SBK1: variants seen among roughly 807,000 people sequenced by gnomAD.
The protein encoded by SBK1 is SH3 domain binding kinase 1.
Under a neutral mutation model 24.4 loss-of-function variants are expected in SBK1, and 11 were observed. The ratio of observed to expected loss-of-function variants is 0.45; its 90% CI spans 0.28 to 0.75. SBK1 has a LOEUF of 0.75. SBK1 is among the 30% of genes least tolerant of loss of function. The pLI, the probability that SBK1 is intolerant of heterozygous loss-of-function variation, is 0.12. For missense variants in SBK1, 467 were observed against 620.5 expected (o/e 0.75, Z 2.63); for synonymous variants, 308 against 284.4 (o/e 1.08, Z -0.83).
In SBK1 at chr16:28,317,143, G is replaced by T. The variant is rs984842490; in HGVS notation, c.-7-242G>T. Among the ~76,000 whole-genome samples, 1 of 152,224 alleles carries T rather than the reference G, an allele frequency of 6.6e-6. No individual in the cohort carries two copies. On this transcript the variant is annotated intron_variant, in intron 1 of 3. Coordinates refer to ENST00000341901, the MANE Select transcript of SBK1 (RefSeq NM_001024401.3). This position sits in a 1 kb window ranked among gnomAD's most constrained non-coding sequence, Gnocchi z 4.2. Reference sequence around the variant, plus strand: ...TGTGGGTGGCAGCATGAGGCAGAGGGGCTGGTGCCACCAAGCGCAGGGTCT... The same window carrying T: ...TGTGGGTGGCAGCATGAGGCAGAGGTGCTGGTGCCACCAAGCGCAGGGTCT...
intron 1 of SBK1, among the ~76,000 whole-genome samples, chr16:28,260,543 C>T (rs969907838): frequency 6.6e-6 from 1 of 152,212 alleles, no homozygotes; most frequent in African/African-American, 2.4e-5. Context: ...GTGGGCCAGG[C>T]GAGGGCTCCT....
intron 1 of SBK1, among the ~76,000 whole-genome samples, chr16:28,271,955 T>C (rs2044468171): frequency 6.6e-6 from 1 of 152,208 alleles, no homozygotes; most frequent in Admixed American, 6.5e-5. Flanking sequence ...CCCAAATAAG[T>C]TGAAAATTTA....
At chr16:28,269,383 C>T (rs1369925772) in intron 1 of SBK1, among the ~76,000 whole-genome samples, 4 of 151,850 alleles carry the variant, frequency 2.6e-5, no homozygotes, top group Admixed American at 2.6e-4. Context: ...TCCATGACTA[C>T]TACAGATGGG....
chr16:28,307,527 G>A (rs888800633), intron 1 of SBK1, among the ~76,000 whole-genome samples: 12 of 152,108 alleles, frequency 7.9e-5, no homozygotes, highest in African/African-American at 1.4e-4. Flanking sequence ...ATCACTTGAG[G>A]TCAGGAGTTA....
Position 28,309,061 on chromosome 16 carries a change from G to A in SBK1, c.-7-8324G>A, listed in dbSNP as rs75005694. The stretch of plus-strand genomic sequence containing the variant: ...AGCCAAACATGATCGAAGTTTCCCA[G>A]TGGCTCCCACAACAATGCAGACGGG... On this transcript the variant is annotated intron_variant, in intron 1 of 3. Transcript: ENST00000341901. Among the ~76,000 whole-genome samples, 1,473 of 152,206 alleles carry A rather than the reference G, an allele frequency of 9.7e-3. 7 individuals carry two copies. The highest frequency in any genetic ancestry group is 0.026 in the South Asian group (124 of 4,816).
Position 28,322,911 on chromosome 16 carries a change from T to TCG in SBK1, c.*1998_*1999dup, listed in dbSNP as rs202179000. The TCG allele has an allele frequency of 7.9e-5, 7 of 89,030 alleles. No individual in the cohort carries two copies. Among genetic ancestry groups the TCG allele is most frequent in the Admixed American group, 1.4e-4 (1 of 7,080 alleles). The allele number at this position is 89,030 out of a possible 1,614,324, so 5.5% of individuals were successfully genotyped here. On this transcript the variant is annotated 3_prime_UTR_variant, in exon 4 of 4. Coordinates refer to ENST00000341901, the MANE Select transcript of SBK1 (RefSeq NM_001024401.3). ...TCCCTTGCCGTGCTCGCTCTCTCTCTCGCGCGCGCTCTCTCTCTCCCTCTC... is the reference window on the plus strand; with the variant it reads ...TCCCTTGCCGTGCTCGCTCTCTCTCTCGCGCGCGCGCTCTCTCTCTCCCTCTC...
chr16:28,297,350 T>G (rs550249290), intron 1 of SBK1, among the ~76,000 whole-genome samples: 4 of 151,838 alleles, frequency 2.6e-5, no homozygotes, highest in South Asian at 4.2e-4. Context: ...GAAACAAAAG[T>G]TGACATTTCC....
chr16:28,298,248 C>A (rs943983702), intron 1 of SBK1, among the ~76,000 whole-genome samples: 1 of 152,242 alleles, frequency 6.6e-6, no homozygotes, highest in Non-Finnish European at 1.5e-5. Context: ...GGAGAGAGGA[C>A]AGGTCCAGCT....
chr16:28,280,171 G>GTATGTATATATACATATATATGTACATA (rs2044523733), intron 1 of SBK1, among the ~76,000 whole-genome samples: 1 of 109,572 alleles, frequency 9.1e-6, no homozygotes, highest in Non-Finnish European at 1.9e-5. Context: ...GTGTGTGTGT[G>GTATGTATATATACATATATATGTACATA]TATGTATATA....
rs571765061 is a variant in SBK1, at chr16:28,259,677, C to T, written c.257+175C>T. Reference sequence around the variant, plus strand: ...TCTCTCACCTGGTTGTTGCCACAGCCTCCTTCCTATCTCCCCCACCCTAGC... The same window carrying T: ...TCTCTCACCTGGTTGTTGCCACAGCTTCCTTCCTATCTCCCCCACCCTAGC... On this transcript the variant is annotated intron_variant, in intron 1 of 3. Transcript: ENST00000671413. This position sits in a 1 kb window ranked among gnomAD's most constrained non-coding sequence, Gnocchi z 6.0. 2.0e-5 allele frequency among the ~76,000 whole-genome samples: 3 copies of T among 152,272 alleles called. No individual in the cohort carries two copies. The highest frequency in any genetic ancestry group is 4.4e-5 in the Non-Finnish European group (3 of 68,020).
intron 1 of SBK1, among the ~76,000 whole-genome samples, chr16:28,298,248 C>T (rs943983702): frequency 6.6e-6 from 1 of 152,242 alleles, no homozygotes; most frequent in Admixed American, 6.5e-5. Context: ...GGAGAGAGGA[C>T]AGGTCCAGCT....
chr16:28,276,495 G>T (rs548690816), intron 1 of SBK1, among the ~76,000 whole-genome samples: 1 of 152,100 alleles, frequency 6.6e-6, no homozygotes, highest in Non-Finnish European at 1.5e-5. Context: ...GGCAGAGAGC[G>T]GATGCCTGGC....
chr16:28,283,901 T>C (rs1039995786), intron 1 of SBK1, among the ~76,000 whole-genome samples: 3 of 152,144 alleles, frequency 2.0e-5, no homozygotes, highest in Non-Finnish European at 4.4e-5. Flanking sequence ...GGCCTCAGCC[T>C]GCTCTGCTGG....
chr16:28,320,328 C>T lies in SBK1; in HGVS notation c.682C>T (p.Leu228=). 6.3e-7 allele frequency: 1 copy of T among 1,592,384 alleles called. No individual in the cohort carries two copies. The highest frequency in any genetic ancestry group is 8.5e-7 in the Non-Finnish European group (1 of 1,175,628). Residue 228 remains leucine, a synonymous_variant, in exon 4 of 4, where the codon CTG becomes TTG. Coordinates refer to ENST00000341901, the MANE Select transcript of SBK1 (RefSeq NM_001024401.3). The surrounding 1 kb of genome is among the most constrained non-coding windows in gnomAD (Gnocchi z 8.5). Reference sequence around the variant, plus strand: ...GTGCCAGGCGGGCCGCGCCGACGGGCTGGCGGTGGACACGGGCGTGGACGT... The same window carrying T: ...GTGCCAGGCGGGCCGCGCCGACGGGTTGGCGGTGGACACGGGCGTGGACGT... ...EVCQAGRADG[L]AVDTGVDVWA...
Position 28,320,554 on chromosome 16 carries a change from G to A in SBK1, c.908G>A (p.Arg303His). ...QRLLALEPER[R>H]GPAKEVFRFL... ...TTACTGGCCCTGGAGCCCGAGCGCC[G>A]CGGCCCAGCCAAGGAGGTGTTCCGC... Residue 303 changes from arginine (R) to histidine (H), a missense_variant, in exon 4 of 4, where the codon CGC becomes CAC. Transcript: ENST00000341901. This position sits in a 1 kb window ranked among gnomAD's most constrained non-coding sequence, Gnocchi z 8.5. 6.4e-7 allele frequency: 1 copy of A among 1,552,116 alleles called. No individual in the cohort carries two copies. The highest frequency in any genetic ancestry group is 1.9e-4 in the Middle Eastern group (1 of 5,200).
chr16:28,299,616 C>G (rs1019642944), intron 1 of SBK1, among the ~76,000 whole-genome samples: 1 of 152,164 alleles, frequency 6.6e-6, no homozygotes, highest in Non-Finnish European at 1.5e-5. Flanking sequence ...CCCGAGAAAC[C>G]TCTAAGCTTC....
At chr16:28,281,320 G>C (rs1364905063) in intron 1 of SBK1, among the ~76,000 whole-genome samples, 2 of 152,060 alleles carry the variant, frequency 1.3e-5, no homozygotes, top group Admixed American at 6.6e-5. Context: ...TGCCTCCTCC[G>C]GGCCAGCTCA....
chr16:28,280,171 G>GTA lies in SBK1; in HGVS notation c.257+20671_257+20672dup, dbSNP rs1555536545. ...TATATGTGTGTGTGTGTGTGTGTGT[G>GTA]TATGTATATATACATATATATGTAC... is the stretch of plus-strand genomic sequence containing the variant. On this transcript the variant is annotated intron_variant, in intron 1 of 3. Transcript: ENST00000671413. 5.4e-3 allele frequency among the ~76,000 whole-genome samples: 586 copies of GTA among 109,524 alleles called. 3 individuals are homozygous for GTA. Among genetic ancestry groups the GTA allele is most frequent in the South Asian group, 0.02 (59 of 2,944 alleles). 71.9% of individuals were successfully genotyped at this position (109,524 alleles called of 152,430 possible).
In SBK1 at chr16:28,317,533, G is replaced by A. The variant is rs866142747; in HGVS notation, c.142G>A (p.Asp48Asn). 1.7e-5 allele frequency: 27 copies of A among 1,614,110 alleles called. No homozygotes were observed. Among genetic ancestry groups the A allele is most frequent in the Non-Finnish European group, 2.0e-5 (24 of 1,180,058 alleles). The change falls in exon 2 of 4, where the codon GAC becomes AAC. Residue 48 changes from aspartate (D) to asparagine (N), a missense_variant. Asp to Asn is a conservative substitution (Grantham distance 23). Coordinates refer to ENST00000341901, the MANE Select transcript of SBK1 (RefSeq NM_001024401.3). This position sits in a 1 kb window ranked among gnomAD's most constrained non-coding sequence, Gnocchi z 4.2. ...ALTLRTLAAS[D>N]VTKHYELVRE... is the part of the protein sequence containing the mutation. Reference sequence around the variant, plus strand: ...GACTCTCCGCACACTGGCCGCCAGCGACGTCACCAAGCACTACGAACTAGT... The same window carrying A: ...GACTCTCCGCACACTGGCCGCCAGCAACGTCACCAAGCACTACGAACTAGT...
Sources: allele counts gnomAD v4.1 joint callset (sites outside exome capture counted in the v4.1 genomes callset), GRCh38; gene constraint gnomAD v4.1.1; non-coding constraint Gnocchi (gnomAD v3.1); transcripts MANE v1.5; gene names NCBI Gene and HGNC (gene_info 2026-07-23, HGNC 2026-07-21).